Variants in RYR2 observed in about 807,000 individuals in gnomAD.
The protein encoded by RYR2 is cardiac muscle ryanodine receptor-calcium release channel.
RYR2 carries 227 observed loss-of-function variants against 601.1 expected under a neutral mutation model. That is an observed-to-expected ratio of 0.38 (90% CI 0.34 to 0.42). The LOEUF is 0.42. RYR2 is among the 10% of genes least tolerant of loss of function. The pLI is 1.00. For missense variants in RYR2, 4,646 were observed against 6,156.5 expected (o/e 0.75, Z 8.21); for synonymous variants, 2,223 against 2,175.1 (o/e 1.02, Z -0.61).
chr1:237,378,331 A>T (rs1306969308), intron 8 of RYR2, among the ~76,000 whole-genome samples: 1 of 152,236 alleles, frequency 6.6e-6, no homozygotes, highest in Non-Finnish European at 1.5e-5. Context: ...TAAGGTCAAT[A>T]TGTATTTAAT....
Position 237,496,492 on chromosome 1 carries a change from G to T in RYR2, c.1962-19G>T, listed in dbSNP as rs1407406981. 6.2e-7 allele frequency: 1 copy of T among 1,607,834 alleles called. No individual in the cohort carries two copies. The highest frequency in any genetic ancestry group is 8.5e-7 in the Non-Finnish European group (1 of 1,174,892). ...GTTTTTTTGGACTTTCCTTACATGT[G>T]ATTCCCGTCTCTTTAAAGCATGAGA... is the stretch of plus-strand genomic sequence containing the variant. On this transcript the variant is annotated intron_variant, in intron 19 of 104. Transcript: ENST00000366574.
At chr1:237,461,196 T>G (rs1439187616) in intron 16 of RYR2, among the ~76,000 whole-genome samples, 1 of 152,238 alleles carries the variant, frequency 6.6e-6, no homozygotes, top group East Asian at 1.9e-4. Context: ...ATTCTATTAT[T>G]CTACCCATTT....
chr1:237,602,151 C>A, intron 35 of RYR2, 40 bp downstream of exon 35: 5 of 1,476,172 alleles, frequency 3.4e-6, no homozygotes, highest in Non-Finnish European at 4.7e-6. Flanking sequence ...TGTATTTTTT[C>A]TATTAGGATA....
At chr1:237,826,210 G>GCA (rs1435324844) in intron 101 of RYR2, among the ~76,000 whole-genome samples, 1 of 152,116 alleles carries the variant, frequency 6.6e-6, no homozygotes, top group Non-Finnish European at 1.5e-5. Flanking sequence ...AAAGACACAT[G>GCA]CACACGTATG....
intron 1 of RYR2, among the ~76,000 whole-genome samples, chr1:237,148,497 G>A (rs1674261093): frequency 8.2e-5 from 10 of 121,876 alleles, no homozygotes; most frequent in African/African-American, 3.3e-4. Flanking sequence ...TTCTGCACAT[G>A]TATCCCAGAA....
At chr1:237,142,261 A>T (rs1558309313) in intron 1 of RYR2, among the ~76,000 whole-genome samples, 1 of 152,226 alleles carries the variant, frequency 6.6e-6, no homozygotes, top group Non-Finnish European at 1.5e-5. Context: ...CTTATGCTGA[A>T]GAGTTTGCCA....
rs548669873 is a variant in RYR2, at chr1:237,654,920, A to G, written c.7965+506A>G. ...TTGCAAAATTTATAATGAATAGTTC[A>G]TATGTTTTCAGATGACTGACAGGTG... On this transcript the variant is annotated intron_variant, in intron 52 of 104. Transcript: ENST00000366574. Among the ~76,000 whole-genome samples, 77 of 152,218 alleles carry G rather than the reference A, an allele frequency of 5.1e-4. 1 individual carries two copies. Among genetic ancestry groups the G allele is most frequent in the Non-Finnish European group, 8.5e-4 (58 of 68,030 alleles).
At chr1:237,240,680 A>AC (rs1553358973) in intron 1 of RYR2, among the ~76,000 whole-genome samples, 24 of 149,248 alleles carry the variant, frequency 1.6e-4, no homozygotes, top group East Asian at 9.7e-4. Context: ...AAAAAAAAAA[A>AC]AAAAAAAAAC....
intron 10 of RYR2, 106 bp downstream of exon 10, chr1:237,388,289 G>T: frequency 1.2e-6 from 1 of 860,532 alleles, no homozygotes; most frequent in Non-Finnish European, 1.8e-6. Flanking sequence ...CATACAAGAT[G>T]GGCTACTGAC....
At chr1:237,559,502 T>C (rs1329087135) in intron 27 of RYR2, among the ~76,000 whole-genome samples, 13 of 152,150 alleles carry the variant, frequency 8.5e-5, no homozygotes, top group African/African-American at 2.7e-4. Flanking sequence ...TGCCTCGGCC[T>C]CCCAAAGTGC....
chr1:237,763,899 T>A (rs745842993), intron 84 of RYR2, among the ~76,000 whole-genome samples: 40 of 152,078 alleles, frequency 2.6e-4, no homozygotes, highest in Non-Finnish European at 4.6e-4. Flanking sequence ...CTACATACAC[T>A]CACAGGAGAA....
chr1:237,733,296 G>A (rs571281525), intron 78 of RYR2, among the ~76,000 whole-genome samples: 2 of 152,068 alleles, frequency 1.3e-5, no homozygotes, highest in Non-Finnish European at 2.9e-5. Flanking sequence ...TGGCCATCTT[G>A]TTTTTTAATT....
chr1:237,307,541 C>A (rs912563103), intron 2 of RYR2, among the ~76,000 whole-genome samples: 7 of 152,180 alleles, frequency 4.6e-5, no homozygotes, highest in Non-Finnish European at 7.3e-5. Flanking sequence ...TTTACTTCTA[C>A]ATATATTCAT....
chr1:237,196,886 T>G (rs1016896382), intron 1 of RYR2, among the ~76,000 whole-genome samples: 1 of 152,186 alleles, frequency 6.6e-6, no homozygotes, highest in African/African-American at 2.4e-5. Context: ...ATATCGAGCC[T>G]TTCTATCCAT....
intron 25 of RYR2, among the ~76,000 whole-genome samples, chr1:237,540,870 G>A (rs1048095172): frequency 6.6e-6 from 1 of 151,926 alleles, no homozygotes. Flanking sequence ...TAGTAGGGCA[G>A]ATAAAAGGCT....
At chr1:237,557,566 T>G (rs1340836051) in intron 27 of RYR2, among the ~76,000 whole-genome samples, 1 of 151,988 alleles carries the variant, frequency 6.6e-6, no homozygotes, top group Non-Finnish European at 1.5e-5. Flanking sequence ...AAACAGTTTT[T>G]TTTTTTTTTT....
chr1:237,713,226 A>G (rs972243859), intron 71 of RYR2, among the ~76,000 whole-genome samples: 1 of 152,264 alleles, frequency 6.6e-6, no homozygotes, highest in Middle Eastern at 3.4e-3. Flanking sequence ...TCAAAGCACT[A>G]CATGTCATAG....
intron 1 of RYR2, among the ~76,000 whole-genome samples, chr1:237,086,310 CTCT>C (rs1440560748): frequency 4.6e-5 from 7 of 152,258 alleles, no homozygotes; most frequent in South Asian, 2.1e-4. Context: ...GTGTCCTAAT[CTCT>C]TCTTCTTCTA....
At chr1:237,069,083 A>T in intron 1 of RYR2, among the ~76,000 whole-genome samples, 1 of 152,174 alleles carries the variant, frequency 6.6e-6, no homozygotes, top group East Asian at 1.9e-4. Flanking sequence ...TGAACTGTGA[A>T]TTGTTTAAAA....
Sources: allele counts gnomAD v4.1 joint callset (sites outside exome capture counted in the v4.1 genomes callset), GRCh38; gene constraint gnomAD v4.1.1; transcripts MANE v1.5; gene names NCBI Gene and HGNC (gene_info 2026-07-23, HGNC 2026-07-21).